Variants in AIG1 observed in about 807,000 individuals in gnomAD.
AIG1 encodes the protein androgen-induced gene 1 protein.
Under a neutral mutation model 31.4 loss-of-function variants are expected in AIG1, and 23 were observed. The observed-to-expected ratio is 0.73, with a 90% CI of 0.53 to 1.04. The LOEUF (loss-of-function observed/expected upper bound fraction) is 1.04. Among genes scored for constraint, AIG1 ranks in the 50% least tolerant of loss-of-function variants. The pLI, the probability that AIG1 is intolerant of heterozygous loss-of-function variation, is 0.00. For synonymous variants in AIG1, 100 were observed against 110.5 expected (o/e 0.90, Z 0.60); for missense variants, 274 against 295.0 (o/e 0.93, Z 0.52).
Position 143,165,179 on chromosome 6 carries a change from G to A in AIG1, c.395G>A (p.Gly132Glu). The A allele has an allele frequency of 6.2e-7, 1 of 1,609,722 alleles. No homozygotes were observed. The highest frequency in any genetic ancestry group is 8.5e-7 in the Non-Finnish European group (1 of 1,176,194). The change falls in exon 3 of 6, where the codon GGA (glycine) becomes GAA (glutamate). Residue 132 changes from glycine (G) to glutamate (E), a missense_variant. Coordinates refer to ENST00000357847, the MANE Select transcript of AIG1 (RefSeq NM_016108.4). ...TTTATCCCAGGGTGGCTGAATCACG[G>A]AATGGTGAGTGGATTAAAACAAACG... ...DNFIPGWLNH[G>E]MHTTVLPFIL...
upstream of AIG1, chr6:143,060,425 G>T: frequency 5.2e-6 from 1 of 191,550 alleles, no homozygotes; most frequent in South Asian, 5.0e-5. Flanking sequence ...CGCGATTCCG[G>T]GGCGGGAACA....
chr6:143,299,801 T>C lies in AIG1; in HGVS notation c.515+15576T>C, dbSNP rs1484837301. On this transcript the variant is annotated intron_variant, in intron 4 of 5. Transcript: ENST00000357847. This position sits in a 1 kb window ranked among gnomAD's most constrained non-coding sequence, Gnocchi z 4.1. Reference sequence around the variant, plus strand: ...ACCTCTGGGATTTGCAGTGTTCTTCTCTTTGCCTAGATAATTTCCTTCCAG... The same window carrying C: ...ACCTCTGGGATTTGCAGTGTTCTTCCCTTTGCCTAGATAATTTCCTTCCAG... Among the ~76,000 whole-genome samples, 4 of 152,186 alleles carry C rather than the reference T, an allele frequency of 2.6e-5. No individual in the cohort carries two copies. The highest frequency in any genetic ancestry group is 5.9e-5 in the Non-Finnish European group (4 of 68,044).
At chr6:143,230,529 AATC>A (rs1283037392) in intron 3 of AIG1, among the ~76,000 whole-genome samples, 2 of 149,954 alleles carry the variant, frequency 1.3e-5, no homozygotes, top group African/African-American at 4.9e-5. Flanking sequence ...CTTTTATAAT[AATC>A]ATATTAGTAT....
chr6:143,139,098 A>G (rs1027691320), intron 2 of AIG1, among the ~76,000 whole-genome samples: 1 of 152,064 alleles, frequency 6.6e-6, no homozygotes, highest in Non-Finnish European at 1.5e-5. Flanking sequence ...ACCTGCCTGA[A>G]GCTTGAAGTA....
intron 1 of AIG1, among the ~76,000 whole-genome samples, chr6:143,105,097 T>G (rs1202857228): frequency 1.3e-5 from 2 of 151,976 alleles, no homozygotes; most frequent in Non-Finnish European, 2.9e-5. Context: ...AAATTTTGAA[T>G]AAAAATAAGG....
At chr6:143,103,900 A>G (rs1780566881) in intron 1 of AIG1, among the ~76,000 whole-genome samples, 1 of 152,196 alleles carries the variant, frequency 6.6e-6, no homozygotes, top group African/African-American at 2.4e-5. Context: ...GCCAGGATTC[A>G]TATTAGTAAG....
intron 2 of AIG1, among the ~76,000 whole-genome samples, chr6:143,154,314 A>G (rs191320196): frequency 4.3e-4 from 65 of 152,318 alleles, no homozygotes; most frequent in Admixed American, 7.8e-4. Context: ...TACATTGTTA[A>G]GACTAAACGA....
intron 3 of AIG1, among the ~76,000 whole-genome samples, chr6:143,177,560 T>A (rs1200332299): frequency 6.6e-6 from 1 of 152,246 alleles, no homozygotes; most frequent in African/African-American, 2.4e-5. Flanking sequence ...TTTCTTCAGC[T>A]ATAATCAGCA....
intron 3 of AIG1, among the ~76,000 whole-genome samples, chr6:143,230,127 G>C (rs189349940): frequency 6.6e-6 from 1 of 152,204 alleles, no homozygotes; most frequent in East Asian, 1.9e-4. Flanking sequence ...ATTCTAACCT[G>C]TGAAAGTTTA....
chr6:143,195,025 C>A (rs981585770), intron 3 of AIG1, among the ~76,000 whole-genome samples: 5 of 152,206 alleles, frequency 3.3e-5, no homozygotes, highest in Non-Finnish European at 2.9e-5. Flanking sequence ...ATTTATTTAA[C>A]CCCTTGTTTG....
rs1380949340 is a variant in AIG1 at position 143,329,206 on chromosome 6, G to T, written c.516-4076G>T. Among the ~76,000 whole-genome samples, 1 of 152,180 alleles carries T rather than the reference G, an allele frequency of 6.6e-6. No individual in the cohort carries two copies. The highest frequency in any genetic ancestry group is 1.5e-5 in the Non-Finnish European group (1 of 68,032). On this transcript the variant is annotated intron_variant, in intron 4 of 5. Transcript: ENST00000357847. The surrounding 1 kb of genome is among the most constrained non-coding windows in gnomAD (Gnocchi z 4.9). ...ACAAGAAACGCTCAATTCCATTTTG[G>T]AGACAATATTGAATGCCTCATTTAG... is the stretch of plus-strand genomic sequence containing the variant.
intron 1 of AIG1, among the ~76,000 whole-genome samples, chr6:143,108,506 G>A (rs1302057012): frequency 1.3e-5 from 2 of 152,112 alleles, no homozygotes; most frequent in African/African-American, 4.8e-5. Context: ...AAAACAGAAG[G>A]GCAGTTTGCA....
intron 1 of AIG1, among the ~76,000 whole-genome samples, chr6:143,071,656 CGTG>C (rs925359508): frequency 6.7e-4 from 102 of 151,688 alleles, no homozygotes; most frequent in African/African-American, 1.9e-3. Context: ...GATATCTCAT[CGTG>C]GTGGTGGTGG....
At chr6:143,117,234 G>A (rs1030511288) in intron 1 of AIG1, among the ~76,000 whole-genome samples, 13 of 152,068 alleles carry the variant, frequency 8.5e-5, no homozygotes, top group Admixed American at 6.6e-4. Context: ...GGGGGAAGTG[G>A]CAGTGGCAGG....
At chr6:143,139,056 A>G (rs1465891314) in intron 2 of AIG1, among the ~76,000 whole-genome samples, 1 of 152,056 alleles carries the variant, frequency 6.6e-6, no homozygotes. Flanking sequence ...CCCTTTAGAC[A>G]TTTTTGACCT....
chr6:143,288,622 A>G lies in AIG1; in HGVS notation c.515+4397A>G, dbSNP rs1797853068. ...TGAATAACTTTCCAACACAGAAAAT[A>G]AAACAAAGTCAAGTCAGAAGTGTTA... On this transcript the variant is annotated intron_variant, in intron 4 of 5. Coordinates refer to ENST00000357847, the MANE Select transcript of AIG1 (RefSeq NM_016108.4). This position sits in a 1 kb window ranked among gnomAD's most constrained non-coding sequence, Gnocchi z 4.4. Among the ~76,000 whole-genome samples, 1 of 152,230 alleles carries G rather than the reference A, an allele frequency of 6.6e-6. No homozygotes were observed. Among genetic ancestry groups the G allele is most frequent in the Admixed American group, 6.5e-5 (1 of 15,284 alleles).
chr6:143,132,481 T>C (rs1378561754), intron 1 of AIG1, among the ~76,000 whole-genome samples: 8 of 152,132 alleles, frequency 5.3e-5, no homozygotes, highest in Non-Finnish European at 1.0e-4. Context: ...ATGTTTTTTT[T>C]CCCTCCAGTG....
intron 3 of AIG1, among the ~76,000 whole-genome samples, chr6:143,243,694 G>A (rs746478236): frequency 2.0e-5 from 3 of 152,146 alleles, no homozygotes; most frequent in Non-Finnish European, 2.9e-5. Flanking sequence ...GGAGACTTTC[G>A]ATGAATTGAT....
intron 3 of AIG1, among the ~76,000 whole-genome samples, chr6:143,255,554 G>A (rs1331261446): frequency 1.3e-5 from 2 of 152,118 alleles, no homozygotes; most frequent in Admixed American, 6.5e-5. Flanking sequence ...TTTTTTAAAG[G>A]TTCTAGCTCC....
Sources: gnomAD v4.1 joint callset for allele counts (sites outside exome capture counted in the v4.1 genomes callset) on GRCh38, gnomAD v4.1.1 for gene constraint, Gnocchi (gnomAD v3.1) non-coding constraint, MANE v1.5 for transcripts, NCBI Gene and HGNC (gene_info 2026-07-23, HGNC 2026-07-21) for gene names.